CCBE1: variants seen among roughly 807,000 people sequenced by gnomAD.
CCBE1 encodes the protein collagen and calcium binding EGF domains 1, also known as collagen and calcium-binding EGF domain-containing protein 1.
A neutral mutation model predicts 50.0 loss-of-function variants in CCBE1; 37 were observed. The ratio of observed to expected loss-of-function variants is 0.74; its 90% confidence interval spans 0.57 to 0.97. The LOEUF is 0.97. Ranked by LOEUF, CCBE1 falls within the 50% of genes least tolerant of loss-of-function variation. The pLI is 0.00. For missense variants in CCBE1, 538 were observed against 523.8 expected, an observed-to-expected ratio of 1.03 and a Z score of -0.26; for synonymous variants, 234 against 203.7, an observed-to-expected ratio of 1.15 and a Z score of -1.27.
At chr18:59,692,571 G>A (rs1392994049) in intron 2 of CCBE1, among the ~76,000 whole-genome samples, 1 of 152,182 alleles carries the variant, frequency 6.6e-6, no homozygotes, top group Admixed American at 6.5e-5. Flanking sequence ...AGAGCCCAAT[G>A]CTATCAATCT....
At chr18:59,667,360 G>A (rs881982) in intron 2 of CCBE1, among the ~76,000 whole-genome samples, 45,674 of 152,088 alleles carry the variant, frequency 0.3, 7,061 homozygotes, top group Non-Finnish European at 0.34. Flanking sequence ...AACTGCAGAT[G>A]TATTTCTCCA....
chr18:59,619,687 C>G (rs530076060), intron 2 of CCBE1, among the ~76,000 whole-genome samples: 9 of 152,152 alleles, frequency 5.9e-5, no homozygotes, highest in Non-Finnish European at 1.3e-4. Flanking sequence ...TCAGACTGGT[C>G]ACATCTCATT....
At chr18:59,548,192 G>T (rs559202246) in intron 2 of CCBE1, among the ~76,000 whole-genome samples, 11 of 152,296 alleles carry the variant, frequency 7.2e-5, no homozygotes, top group African/African-American at 2.6e-4. Context: ...CCAGTGGTTT[G>T]TTGGGGCCAA....
At chr18:59,463,140 G>A (rs547642114) in intron 5 of CCBE1, among the ~76,000 whole-genome samples, 2 of 152,338 alleles carry the variant, frequency 1.3e-5, no homozygotes, top group South Asian at 4.1e-4. Flanking sequence ...CTTAGCAAGA[G>A]ACTGCTAATT....
chr18:59,618,520 C>A (rs2053668145), intron 2 of CCBE1, among the ~76,000 whole-genome samples: 1 of 151,926 alleles, frequency 6.6e-6, no homozygotes, highest in African/African-American at 2.4e-5. Flanking sequence ...CTGCAACCTC[C>A]ATCTCTCAGG....
At chr18:59,696,470 A>C in intron 2 of CCBE1, 159 bp downstream of exon 2, 1 of 1,500,372 alleles carries the variant, frequency 6.7e-7, no homozygotes, top group East Asian at 2.5e-5. Context: ...GATCCAACCA[A>C]CCCTCAAAGA....
intron 2 of CCBE1, among the ~76,000 whole-genome samples, chr18:59,679,072 A>G (rs538160251): frequency 2.2e-4 from 33 of 152,320 alleles, no homozygotes; most frequent in South Asian, 1.3e-3. Flanking sequence ...AGTCAAATGC[A>G]TGAACTGCCT....
Position 59,436,023 on chromosome 18 carries a change from G to C in CCBE1, c.1106C>G (p.Pro369Arg). The C allele has an allele frequency of 6.2e-7, 1 of 1,614,196 alleles. No individual in the cohort carries two copies. Among genetic ancestry groups the C allele is most frequent in the South Asian group, 1.1e-5 (1 of 91,070 alleles). The change falls in exon 11 of 11, where the codon CCT becomes CGT. Residue 369 changes from proline (P) to arginine (R), a missense_variant. By Grantham distance (103) the Pro-to-Arg change is moderately radical (BLOSUM62 -2). Coordinates refer to ENST00000439986, the MANE Select transcript of CCBE1 (RefSeq NM_133459.4). Reference protein sequence around the residue: ...HRTHSSAEEFPLPQEFPSYPE... With the variant: ...HRTHSSAEEFRLPQEFPSYPE... ...GTAGCTGGGAAATTCCTGAGGTAAA[G>C]GGAACTCCTCTGCTGAAGAGTGAGT...
chr18:59,537,756 T>G (rs1481160511), intron 2 of CCBE1, among the ~76,000 whole-genome samples: 1 of 152,236 alleles, frequency 6.6e-6, no homozygotes, highest in Middle Eastern at 3.2e-3. Flanking sequence ...CTCCTCCTTC[T>G]GTTTAACACA....
At chr18:59,438,088 G>A (rs754232287) in intron 10 of CCBE1, 23 bp downstream of exon 10, 3 of 1,613,542 alleles carry the variant, frequency 1.9e-6, no homozygotes, top group African/African-American at 2.7e-5. Context: ...CCCTGGGGAA[G>A]CAGGACACAG....
At chr18:59,487,706 T>C (rs1013837987) in intron 2 of CCBE1, among the ~76,000 whole-genome samples, 1 of 152,152 alleles carries the variant, frequency 6.6e-6, no homozygotes, top group Non-Finnish European at 1.5e-5. Flanking sequence ...ATTAAGAGAA[T>C]CAGAAAAAGC....
At chr18:59,519,886 A>G (rs1411013368) in intron 2 of CCBE1, among the ~76,000 whole-genome samples, 1 of 152,200 alleles carries the variant, frequency 6.6e-6, no homozygotes, top group African/African-American at 2.4e-5. Context: ...AGTTTTCTGC[A>G]TATAGCTAGC....
At chr18:59,447,317 G>A (rs953488584) in intron 7 of CCBE1, among the ~76,000 whole-genome samples, 1 of 152,178 alleles carries the variant, frequency 6.6e-6, no homozygotes, top group Admixed American at 6.5e-5. Flanking sequence ...CCTAGACTGG[G>A]AGTTGGGGAA....
rs73961243 is a variant in CCBE1 at position 59,560,682 on chromosome 18, C to G, written c.213-80444G>C. On this transcript the variant is annotated intron_variant, in intron 2 of 10. Transcript: ENST00000439986. Reference sequence around the variant, plus strand: ...GGGTGTGTTCATGAGTAACCACTCCCTGGACTGGAAAAGCAGTTAGTAACT... The same window carrying G: ...GGGTGTGTTCATGAGTAACCACTCCGTGGACTGGAAAAGCAGTTAGTAACT... Among the ~76,000 whole-genome samples the G allele has an allele frequency of 4.3e-3, 649 of 152,278 alleles. 11 individuals are homozygous for G. Among genetic ancestry groups the G allele is most frequent in the African/African-American group, 0.015 (618 of 41,554 alleles).
chr18:59,635,957 G>C (rs2144635646), intron 2 of CCBE1, among the ~76,000 whole-genome samples: 1 of 152,194 alleles, frequency 6.6e-6, no homozygotes, highest in South Asian at 2.1e-4. Flanking sequence ...GAGCCCAGGA[G>C]TTCAAGACCA....
At chr18:59,645,894 G>T (rs947523301) in intron 2 of CCBE1, among the ~76,000 whole-genome samples, 3 of 152,164 alleles carry the variant, frequency 2.0e-5, no homozygotes, top group Admixed American at 6.5e-5. Context: ...AGCCGGGTGT[G>T]GTGGCGGGTG....
At chr18:59,566,156 AAATC>A (rs2052823211) in intron 2 of CCBE1, among the ~76,000 whole-genome samples, 1 of 152,250 alleles carries the variant, frequency 6.6e-6, no homozygotes, top group South Asian at 2.1e-4. Flanking sequence ...GCAGGTCAGG[AAATC>A]AATCAGATGC....
At chr18:59,446,612 G>A (rs775633271) in intron 7 of CCBE1, among the ~76,000 whole-genome samples, 20 of 152,150 alleles carry the variant, frequency 1.3e-4, no homozygotes, top group Non-Finnish European at 2.2e-4. Context: ...CAAATCCTCC[G>A]TGAAGAACTC....
chr18:59,614,545 G>A (rs148597486), intron 2 of CCBE1, among the ~76,000 whole-genome samples: 1 of 152,306 alleles, frequency 6.6e-6, no homozygotes, highest in Non-Finnish European at 1.5e-5. Context: ...ACCAGGATCA[G>A]GAGCAGCAGA....
Sources: gnomAD v4.1 joint callset for allele counts (sites outside exome capture counted in the v4.1 genomes callset) on GRCh38, gnomAD v4.1.1 for gene constraint, MANE v1.5 for transcripts, NCBI Gene and HGNC (gene_info 2026-07-23, HGNC 2026-07-21) for gene names.